KAT2B: variants seen among roughly 807,000 people sequenced by gnomAD.
The protein encoded by KAT2B is lysine acetyltransferase 2B.
In KAT2B, 36 loss-of-function variants were observed where a neutral mutation model predicts 105.9. The observed-to-expected ratio is 0.34, with a 90% CI of 0.26 to 0.45. The LOEUF (loss-of-function observed/expected upper bound fraction) is 0.45, where lower values mean the gene tolerates loss of function less well. Among genes scored for constraint, KAT2B ranks in the 20% least tolerant of loss-of-function variants. The pLI is 1.00. For synonymous variants in KAT2B, 397 were observed against 377.9 expected, an observed-to-expected ratio of 1.05 and a Z score of -0.59; for missense variants, 820 against 1,021.6, an observed-to-expected ratio of 0.80 and a Z score of 2.69.
At chr3:20,092,239 AT>A (rs1337675948) in intron 2 of KAT2B, among the ~76,000 whole-genome samples, 1 of 150,924 alleles carries the variant, frequency 6.6e-6, no homozygotes, top group Non-Finnish European at 1.5e-5. Flanking sequence ...TTATTTATTT[AT>A]TTATTTGAGA....
chr3:20,137,367 T>C (rs757921307), intron 12 of KAT2B, among the ~76,000 whole-genome samples: 2 of 152,144 alleles, frequency 1.3e-5, no homozygotes, highest in African/African-American at 2.4e-5. Context: ...TGGGTAGCAT[T>C]CTCTGTGAAT....
intron 8 of KAT2B, among the ~76,000 whole-genome samples, chr3:20,121,989 T>A (rs923360425): frequency 6.6e-6 from 1 of 152,058 alleles, no homozygotes; most frequent in African/African-American, 2.4e-5. Context: ...CAAAGCCTAA[T>A]GCAAACTGAT....
At chr3:20,056,213 T>C (rs1575107433) in intron 1 of KAT2B, among the ~76,000 whole-genome samples, 1 of 152,090 alleles carries the variant, frequency 6.6e-6, no homozygotes, top group Non-Finnish European at 1.5e-5. Context: ...GTAGCAGGAA[T>C]GGAGGGGTGA....
chr3:20,078,269 T>G (rs1421785853), intron 2 of KAT2B, among the ~76,000 whole-genome samples: 1 of 152,180 alleles, frequency 6.6e-6, no homozygotes, highest in Non-Finnish European at 1.5e-5. Context: ...CAAAACATAA[T>G]TGGAATTTCT....
At chr3:20,116,258 G>C (rs558317953) in intron 7 of KAT2B, among the ~76,000 whole-genome samples, 31 of 152,174 alleles carry the variant, frequency 2.0e-4, no homozygotes, top group African/African-American at 7.2e-4. Flanking sequence ...CTCTGTACCT[G>C]TGCTATTCAC....
chr3:20,083,726 G>GACA (rs1698562567), intron 2 of KAT2B, among the ~76,000 whole-genome samples: 1 of 152,208 alleles, frequency 6.6e-6, no homozygotes, highest in African/African-American at 2.4e-5. Flanking sequence ...GAAATGCAGT[G>GACA]TCTCTGAGAG....
chr3:20,132,358 A>T (rs1699526539), intron 11 of KAT2B, among the ~76,000 whole-genome samples: 1 of 152,182 alleles, frequency 6.6e-6, no homozygotes. Flanking sequence ...GGGCAACAAG[A>T]GTGAAACTCC....
At chr3:20,100,713 G>A (rs1698895533) in intron 4 of KAT2B, among the ~76,000 whole-genome samples, 1 of 151,912 alleles carries the variant, frequency 6.6e-6, no homozygotes, top group African/African-American at 2.4e-5. Flanking sequence ...TAGATGAGAT[G>A]GAAATATTCT....
At chr3:20,114,790 C>T (rs1026736236) in intron 6 of KAT2B, 92 bp from the exon 7 acceptor site, 26 of 675,166 alleles carry the variant, frequency 3.9e-5, no homozygotes, top group African/African-American at 2.3e-4. Context: ...AGGTTTGAGA[C>T]GCTGATGTTA....
At chr3:20,112,688 T>C (rs761624829) in intron 6 of KAT2B, among the ~76,000 whole-genome samples, 35 of 152,200 alleles carry the variant, frequency 2.3e-4, no homozygotes, top group African/African-American at 8.4e-4. Context: ...AGGTATGATA[T>C]AGCCTTCCTT....
chr3:20,125,314 A>G (rs896117288), intron 9 of KAT2B, among the ~76,000 whole-genome samples: 2 of 151,474 alleles, frequency 1.3e-5, no homozygotes, highest in Non-Finnish European at 2.9e-5. Context: ...CAGAAAAAAA[A>G]AAAAAAAAAA....
intron 1 of KAT2B, among the ~76,000 whole-genome samples, chr3:20,062,196 TA>T (rs1559514292): frequency 4.8e-4 from 18 of 37,770 alleles, no homozygotes; most frequent in East Asian, 2.7e-3. Flanking sequence ...ATAAAATATA[TA>T]TATTTTATAT....
At chr3:20,046,596 G>A (rs892673086) in intron 1 of KAT2B, among the ~76,000 whole-genome samples, 1 of 152,106 alleles carries the variant, frequency 6.6e-6, no homozygotes, top group South Asian at 2.1e-4. Flanking sequence ...TAATCTAGAA[G>A]TAGCACTGGT....
intron 1 of KAT2B, among the ~76,000 whole-genome samples, chr3:20,044,939 T>G (rs1697781930): frequency 6.6e-6 from 1 of 152,250 alleles, no homozygotes; most frequent in Non-Finnish European, 1.5e-5. Flanking sequence ...ACTTAATCAC[T>G]TCTTGACAAC....
chr3:20,135,639 G>C (rs1699587047), intron 11 of KAT2B, among the ~76,000 whole-genome samples: 1 of 137,194 alleles, frequency 7.3e-6, no homozygotes, highest in Admixed American at 7.5e-5. Context: ...GGGTGACAGA[G>C]CAAGACTCCA....
chr3:20,121,900 A>C (rs1489810628), intron 8 of KAT2B, among the ~76,000 whole-genome samples: 4 of 151,928 alleles, frequency 2.6e-5, no homozygotes, highest in Non-Finnish European at 5.9e-5. Context: ...GAAATGAATG[A>C]GCTATGATAG....
intron 2 of KAT2B, among the ~76,000 whole-genome samples, chr3:20,085,670 C>A (rs1053203086): frequency 2.6e-5 from 4 of 151,902 alleles, no homozygotes; most frequent in African/African-American, 9.7e-5. Flanking sequence ...ACCACCACAC[C>A]CGGCTATTTT....
At chr3:20,131,864 A>G (rs1187343940) in intron 11 of KAT2B, among the ~76,000 whole-genome samples, 3 of 152,252 alleles carry the variant, frequency 2.0e-5, no homozygotes, top group African/African-American at 7.2e-5. Context: ...GTGCCCAACC[A>G]TAAACAGACG....
chr3:20,151,786 G>A (rs541270175), intron 17 of KAT2B, among the ~76,000 whole-genome samples: 1 of 152,252 alleles, frequency 6.6e-6, no homozygotes, highest in Admixed American at 6.5e-5. Flanking sequence ...TTTCATTGAT[G>A]GAGCTTGAAG....
Sources: gnomAD v4.1 joint callset for allele counts (sites outside exome capture counted in the v4.1 genomes callset) on GRCh38, gnomAD v4.1.1 for gene constraint, MANE v1.5 for transcripts, NCBI Gene and HGNC (gene_info 2026-07-23, HGNC 2026-07-21) for gene names.